The following ZFP57 variants were observed in gnomAD, a reference collection of about 807,000 sequenced individuals.
The protein encoded by ZFP57 is ZFP57 zinc finger protein, also known as zinc finger protein 57 homolog.
Under a neutral mutation model 15.8 loss-of-function variants are expected in ZFP57, and 12 were observed. That is an observed-to-expected ratio of 0.76 (90% CI 0.49 to 1.23). The LOEUF (loss-of-function observed/expected upper bound fraction) is 1.23, where lower values mean the gene tolerates loss of function less well. Among genes scored for constraint, ZFP57 ranks in the 50% most tolerant of loss-of-function variants. ZFP57 has a pLI of 0.00. For missense variants in ZFP57, 536 were observed against 654.9 expected, an observed-to-expected ratio of 0.82 and a Z score of 1.98; for synonymous variants, 203 against 242.3, an observed-to-expected ratio of 0.84 and a Z score of 1.51.
chr6:29,674,691 C>T (rs1406063166), intron 4 of ZFP57, among the ~76,000 whole-genome samples: 1 of 152,162 alleles, frequency 6.6e-6, no homozygotes, highest in Non-Finnish European at 1.5e-5. Flanking sequence ...CTATTTACTA[C>T]CAGGGACAAG....
chr6:29,675,498 G>A lies in ZFP57; in HGVS notation c.251-11C>T. 2.5e-6 allele frequency: 4 copies of A among 1,612,346 alleles called. No individual in the cohort carries two copies. The highest frequency in any genetic ancestry group is 3.4e-6 in the Non-Finnish European group (4 of 1,178,398). ...GCAGAAAGATTCTGGCTGATGTGTG[G>A]GAATGAGAAAGAGTTGAGTTGGTCC... On this transcript the variant is annotated splice_polypyrimidine_tract_variant and intron_variant, in intron 3 of 4. Coordinates refer to ENST00000376883, the MANE Select transcript of ZFP57 (RefSeq NM_001109809.5).
In ZFP57 at chr6:29,672,887, T is replaced by G; in HGVS notation, c.1224A>C (p.Thr408=). The change falls in exon 5 of 5, where the codon ACA becomes ACC. Residue 408 remains threonine, a synonymous_variant. Coordinates refer to ENST00000376883, the MANE Select transcript of ZFP57 (RefSeq NM_001109809.5). ...AATGGAAGCAGTAGTTGGGCGGCTC[T>G]GTGAGGTGGGCCTTCTGGTGTCTGG... ...YLSRHQKAHL[T]EPPNYCFHCS... is the part of the protein sequence containing the mutation. 6.2e-7 allele frequency: 1 copy of G among 1,613,086 alleles called. No homozygotes were observed. Among genetic ancestry groups the G allele is most frequent in the African/African-American group, 1.3e-5 (1 of 75,068 alleles).
chr6:29,680,193 T>A (rs910616928), intron 1 of ZFP57, among the ~76,000 whole-genome samples: 3 of 152,112 alleles, frequency 2.0e-5, no homozygotes, highest in African/African-American at 7.2e-5. Flanking sequence ...CTTTCGACTG[T>A]AAGAGCTGGA....
At position 29,673,331 on chromosome 6, in the gene ZFP57, T is replaced by C. The variant is rs1481218759; in HGVS notation, c.780A>G (p.Ser260=). ...GGAAGCTCTTCCCACACACAGAGCA[T>C]GAATGGGGCCGGTAACCCAGATGGA... ...RRVHLGYRPH[S]CSVCGKSFRD... is the part of the protein sequence containing the mutation. Residue 260 remains serine, a synonymous_variant, in exon 5 of 5, where the codon TCA becomes TCG. Transcript: ENST00000376883. The surrounding 1 kb of genome is among the most constrained non-coding windows in gnomAD (Gnocchi z 4.7). 6.2e-7 allele frequency: 1 copy of C among 1,612,964 alleles called. No homozygotes were observed. The highest frequency in any genetic ancestry group is 8.5e-7 in the Non-Finnish European group (1 of 1,180,020).
intron 1 of ZFP57, among the ~76,000 whole-genome samples, chr6:29,678,734 A>G (rs1470629377): frequency 6.6e-6 from 1 of 152,230 alleles, no homozygotes; most frequent in East Asian, 1.9e-4. Context: ...TATGTATAGA[A>G]AAAGAAAACC....
chr6:29,672,790 G>T lies in ZFP57; in HGVS notation c.1321C>A (p.Leu441Ile), dbSNP rs564988086. 1.2e-6 allele frequency: 2 copies of T among 1,613,070 alleles called. No individual in the cohort carries two copies. The highest frequency in any genetic ancestry group is 1.7e-6 in the Non-Finnish European group (2 of 1,180,032). ...AAGGAGAGGTCACAGATAGGGCAAA[G>T]GTAGCTCTTCTGCTTCCAGTGGGTC... is the stretch of plus-strand genomic sequence containing the variant. ...QQTHWKQKSYLCPICDLSFGE... is the reference protein window; with the variant it reads ...QQTHWKQKSYICPICDLSFGE... The change falls in exon 5 of 5, where the codon CTT becomes ATT. Residue 441 changes from leucine to isoleucine, a missense_variant. Transcript: ENST00000376883.
intron 1 of ZFP57, among the ~76,000 whole-genome samples, chr6:29,677,768 T>C (rs55715936): frequency 1.3e-5 from 2 of 149,514 alleles, no homozygotes; most frequent in Non-Finnish European, 3.0e-5. Context: ...ACCAAAATTA[T>C]ACACACACAC....
chr6:29,674,132 AAGG>A (rs1219642285), intron 4 of ZFP57, among the ~76,000 whole-genome samples: 8 of 150,790 alleles, frequency 5.3e-5, no homozygotes, highest in African/African-American at 2.0e-4. Context: ...GAAGAAGAAG[AAGG>A]AGAAGGAGAA....
chr6:29,677,196 T>G lies in ZFP57; in HGVS notation c.-193A>C, dbSNP rs1772119965. On this transcript the variant is annotated 5_prime_UTR_variant, in exon 2 of 5. Coordinates refer to ENST00000376883, the MANE Select transcript of ZFP57 (RefSeq NM_001109809.5). ...CCAAGAGGCTGTCTTCCTTTTTTGT[T>G]CTGCTGTCCAAATTCTCCTCTTCCA... 1 of 721,554 alleles carries G rather than the reference T, an allele frequency of 1.4e-6. No individual in the cohort carries two copies. Among genetic ancestry groups the G allele is most frequent in the Admixed American group, 2.8e-5 (1 of 36,140 alleles). 44.7% of individuals were successfully genotyped at this position (721,554 alleles called of 1,614,324 possible).
Position 29,673,358 on chromosome 6 carries a change from G to A in ZFP57, c.753C>T (p.Arg251=), listed in dbSNP as rs768216433. The A allele has an allele frequency of 5.0e-6, 8 of 1,612,922 alleles. No homozygotes were observed. Among genetic ancestry groups the A allele is most frequent in the Admixed American group, 3.3e-5 (2 of 60,000 alleles). Residue 251 remains arginine, a synonymous_variant, in exon 5 of 5, where the codon CGC becomes CGT. Coordinates refer to ENST00000376883, the MANE Select transcript of ZFP57 (RefSeq NM_001109809.5). The surrounding 1 kb of genome is among the most constrained non-coding windows in gnomAD (Gnocchi z 4.7). ...AATGGGGCCGGTAACCCAGATGGAC[G>A]CGGCGGTGACGACTTAGTCCAGAAG... The part of the protein sequence containing the change: ...CDASGLSRHR[R]VHLGYRPHSC...
intron 3 of ZFP57, 115 bp downstream of exon 3, chr6:29,675,818 G>C (rs149549345): frequency 7.6e-7 from 1 of 1,314,754 alleles, no homozygotes; most frequent in Admixed American, 1.7e-5. Flanking sequence ...CACCTGGAAA[G>C]CATAGAACCA....
Position 29,673,683 on chromosome 6 carries a change from A to G in ZFP57, c.428T>C (p.Leu143Pro). ...GCACTGGCCGGCCCCTCTGCATGCA[A>G]GGAAGACCTTGTCATCACTAGTCCC... ...DEGTSDDKVF[L>P]ACRGAGQCPL... Residue 143 changes from leucine (L) to proline (P), a missense_variant, in exon 5 of 5, where the codon CTT becomes CCT. Coordinates refer to ENST00000376883, the MANE Select transcript of ZFP57 (RefSeq NM_001109809.5). The surrounding 1 kb of genome is among the most constrained non-coding windows in gnomAD (Gnocchi z 4.7). The G allele has an allele frequency of 2.5e-6, 4 of 1,613,008 alleles. No individual in the cohort carries two copies. The highest frequency in any genetic ancestry group is 3.4e-6 in the Non-Finnish European group (4 of 1,179,976).
At chr6:29,680,208 G>A (rs1772274008) in intron 1 of ZFP57, among the ~76,000 whole-genome samples, 1 of 152,160 alleles carries the variant, frequency 6.6e-6, no homozygotes, top group Non-Finnish European at 1.5e-5. Flanking sequence ...GCTGGAGGCC[G>A]CCTGCGGGCT....
At chr6:29,674,233 C>T (rs13218964) in intron 4 of ZFP57, among the ~76,000 whole-genome samples, 97 of 121,566 alleles carry the variant, frequency 8.0e-4, no homozygotes, top group Non-Finnish European at 1.5e-3. Flanking sequence ...AAGACGAAGA[C>T]GAAGAAGAAG....
At chr6:29,677,924 GCA>G (rs1772157216) in intron 1 of ZFP57, among the ~76,000 whole-genome samples, 9 of 152,182 alleles carry the variant, frequency 5.9e-5, no homozygotes, top group Admixed American at 5.9e-4. Context: ...CGGAGGACAG[GCA>G]CAGTGGCTCA....
intron 1 of ZFP57, 41 bp from the exon 2 acceptor site, chr6:29,677,407 G>T: frequency 3.7e-6 from 1 of 270,466 alleles, no homozygotes. Flanking sequence ...CAAGAGGGAG[G>T]GTAAGAAACA....
intron 1 of ZFP57, among the ~76,000 whole-genome samples, chr6:29,678,816 T>G (rs1420481095): frequency 1.3e-5 from 2 of 152,188 alleles, no homozygotes; most frequent in East Asian, 3.8e-4. Context: ...GTGGATCACT[T>G]CAGGGCAGGA....
rs1290881979 is a variant in ZFP57, at chr6:29,673,000, A to G, written c.1111T>C (p.Ser371Pro). ...GAGGGCTTCACTGGATGAGAGTTGG[A>G]TCTGGCATCCTGACAGAGGGTTCCA... ...ITGTLCQDAR[S>P]NSHPVKPSRL... Residue 371 changes from serine to proline, a missense_variant, in exon 5 of 5, where the codon TCC (serine) becomes CCC (proline). Coordinates refer to ENST00000376883, the MANE Select transcript of ZFP57 (RefSeq NM_001109809.5). The G allele has an allele frequency of 1.9e-6, 3 of 1,613,046 alleles. No homozygotes were observed. Among genetic ancestry groups the G allele is most frequent in the Admixed American group, 1.7e-5 (1 of 60,010 alleles).
intron 2 of ZFP57, among the ~76,000 whole-genome samples, chr6:29,676,369 C>T (rs1772072150): frequency 6.6e-6 from 1 of 151,846 alleles, no homozygotes; most frequent in Non-Finnish European, 1.5e-5. Context: ...AACCTGGTCT[C>T]TGCTAAAAAC....
Sources: gnomAD v4.1 joint callset for allele counts (sites outside exome capture counted in the v4.1 genomes callset) on GRCh38, gnomAD v4.1.1 for gene constraint, Gnocchi (gnomAD v3.1) non-coding constraint, MANE v1.5 for transcripts, NCBI Gene and HGNC (gene_info 2026-07-23, HGNC 2026-07-21) for gene names.